Variants in FBXL5 observed in about 807,000 individuals in gnomAD.
FBXL5 encodes the protein F-box/LRR-repeat protein 5.
In FBXL5, 26 loss-of-function variants were observed where a neutral mutation model predicts 78.3. The observed-to-expected ratio is 0.33, with a 90% CI of 0.24 to 0.46. FBXL5 has a LOEUF of 0.46. FBXL5 is among the 20% of genes least tolerant of loss of function. FBXL5 has a pLI of 1.00. For missense variants in FBXL5, 710 were observed against 829.2 expected (o/e 0.86, Z 1.77); for synonymous variants, 295 against 282.5 (o/e 1.04, Z -0.45).
intron 2 of FBXL5, among the ~76,000 whole-genome samples, chr4:15,641,964 GT>G (rs1714930026): frequency 6.6e-6 from 1 of 151,850 alleles, no homozygotes; most frequent in African/African-American, 2.4e-5. Context: ...GAAGAAGGAG[GT>G]TGCGGTGAGC....
intron 9 of FBXL5, among the ~76,000 whole-genome samples, chr4:15,614,946 C>T (rs113675134): frequency 2.7e-4 from 41 of 152,236 alleles, no homozygotes; most frequent in South Asian, 1.9e-3. Context: ...GGGCTGCGTG[C>T]GGCGCTTGCG....
At chr4:15,607,912 C>T (rs1256438839) in intron 10 of FBXL5, among the ~76,000 whole-genome samples, 2 of 152,062 alleles carry the variant, frequency 1.3e-5, no homozygotes, top group African/African-American at 2.4e-5. Context: ...ACTGCAACTC[C>T]CTCAAATATT....
chr4:15,609,241 C>T (rs1371419779), intron 10 of FBXL5, among the ~76,000 whole-genome samples: 15 of 151,826 alleles, frequency 9.9e-5, no homozygotes, highest in Admixed American at 9.8e-4. Context: ...GCCTAAATTA[C>T]ATTAAGGAAT....
In FBXL5 at chr4:15,679,635, A is replaced by G. The variant is rs1193641874; in HGVS notation, c.-284+1748T>C. Among the ~76,000 whole-genome samples the G allele has an allele frequency of 4.0e-5, 6 of 151,896 alleles. No individual in the cohort carries two copies. The East Asian group carries it at 1.2e-3, about 29-fold the overall frequency. On this transcript the variant is annotated intron_variant, in intron 1 of 4. Transcript: ENST00000507899. ...CAATTCAATACTGCTTTTTAAAATT[A>G]AGCCTTCTTATCACACAACAAGTTA...
intron 1 of FBXL5, 67 bp from the exon 2 acceptor site, chr4:15,644,775 A>AAAT: frequency 8.8e-7 from 1 of 1,134,252 alleles, no homozygotes; most frequent in East Asian, 2.6e-5. Context: ...AAAAATATTC[A>AAAT]AATACATCCC....
At chr4:15,659,019 C>T (rs28392966), upstream of FBXL5, among the ~76,000 whole-genome samples, 9,732 of 152,232 alleles carry the variant, frequency 0.064, 539 homozygotes, top group East Asian at 0.22. Flanking sequence ...TCCACCCCAT[C>T]CTTAATCAGC....
intron 1 of FBXL5, among the ~76,000 whole-genome samples, chr4:15,668,088 G>A (rs1045057984): frequency 6.0e-5 from 9 of 149,240 alleles, no homozygotes; most frequent in Non-Finnish European, 1.0e-4. Context: ...CAACTTAATC[G>A]AAAAGCCAAT....
chr4:15,655,431 C>G (rs1294613595), upstream of FBXL5: 3 of 987,842 alleles, frequency 3.0e-6, no homozygotes, highest in African/African-American at 3.6e-5. Context: ...CCGGCGGGGA[C>G]GCGGGGGCGC....
rs1721774269 is a variant in FBXL5, at chr4:15,604,786, TTTTA to T, written c.*933_*936del. The T allele has an allele frequency of 6.6e-6, 1 of 152,228 alleles. No individual in the cohort carries two copies. The highest frequency in any genetic ancestry group is 2.4e-5 in the African/African-American group (1 of 41,464). 9.4% of individuals were successfully genotyped at this position (152,228 alleles called of 1,614,324 possible). On this transcript the variant is annotated 3_prime_UTR_variant, in exon 11 of 11. Transcript: ENST00000341285. The stretch of plus-strand genomic sequence containing the variant: ...GTGGCAGGCCTCCACTCTCATGATG[TTTTA>T]ACAAAGCAAAGTAGATATACTTACG...
Position 15,625,407 on chromosome 4 carries a change from T to C in FBXL5, c.1695A>G (p.Glu565=), listed in dbSNP as rs531603740. ...CTGCTTTTCTACACATTGCAGAAGA[T>C]TCTGGGAGTGATGACATAGTTCTTA... ...TALRTMSSLP[E]SSAMCRKAAR... is the part of the protein sequence containing the mutation. The change falls in exon 9 of 11, where the codon GAA becomes GAG. Residue 565 remains glutamate, a synonymous_variant. Transcript: ENST00000341285. 3.7e-6 allele frequency: 6 copies of C among 1,614,204 alleles called. No individual in the cohort carries two copies. In the East Asian group the frequency reaches 1.1e-4, roughly 30 times the overall value.
At chr4:15,606,130 T>A (rs1463585765) in intron 10 of FBXL5, among the ~76,000 whole-genome samples, 1 of 152,124 alleles carries the variant, frequency 6.6e-6, no homozygotes, top group Non-Finnish European at 1.5e-5. Context: ...AAGATTCTTA[T>A]AATCTGAACA....
At chr4:15,611,241 T>C (rs1443691949) in intron 10 of FBXL5, among the ~76,000 whole-genome samples, 1 of 152,102 alleles carries the variant, frequency 6.6e-6, no homozygotes, top group Non-Finnish European at 1.5e-5. Flanking sequence ...CCATCTCCAG[T>C]TTCCTCTTAT....
intron 9 of FBXL5, among the ~76,000 whole-genome samples, chr4:15,615,640 C>T (rs1022056577): frequency 1.3e-5 from 2 of 148,640 alleles, no homozygotes; most frequent in Non-Finnish European, 1.5e-5. Flanking sequence ...ATGCACCAAT[C>T]GACACTCTGT....
chr4:15,618,157 A>AT (rs777174128), intron 9 of FBXL5, among the ~76,000 whole-genome samples: 72 of 151,938 alleles, frequency 4.7e-4, no homozygotes, highest in Non-Finnish European at 4.4e-4. Flanking sequence ...CTTTAGCTAG[A>AT]TTAAGAAAAA....
chr4:15,656,240 T>G (rs1339433716), upstream of FBXL5: 1 of 456,220 alleles, frequency 2.2e-6, no homozygotes, highest in South Asian at 1.5e-5. Context: ...CAGGAAAATG[T>G]CTGCCTCTTT....
At chr4:15,666,717 A>G (rs1435838068) in intron 1 of FBXL5, among the ~76,000 whole-genome samples, 1 of 152,080 alleles carries the variant, frequency 6.6e-6, no homozygotes, top group African/African-American at 2.4e-5. Context: ...CTGTGATTCC[A>G]TCTACTCGGG....
intron 1 of FBXL5, among the ~76,000 whole-genome samples, chr4:15,669,647 A>T (rs988618804): frequency 6.6e-6 from 1 of 152,174 alleles, no homozygotes; most frequent in African/African-American, 2.4e-5. Flanking sequence ...ACCCACAGAA[A>T]ATGTAACAAA....
At chr4:15,675,496 A>C (rs1479781978) in intron 1 of FBXL5, among the ~76,000 whole-genome samples, 1 of 151,184 alleles carries the variant, frequency 6.6e-6, no homozygotes, top group African/African-American at 2.4e-5. Context: ...TAGCTACCAC[A>C]CAGGCAGTGC....
intron 6 of FBXL5, among the ~76,000 whole-genome samples, chr4:15,630,233 A>G (rs188719232): frequency 1.3e-5 from 2 of 152,314 alleles, no homozygotes; most frequent in East Asian, 3.9e-4. Flanking sequence ...TAATTCTACA[A>G]TAACCTTATT....
Sources: allele counts gnomAD v4.1 joint callset (sites outside exome capture counted in the v4.1 genomes callset), GRCh38; gene constraint gnomAD v4.1.1; transcripts MANE v1.5; gene names NCBI Gene and HGNC (gene_info 2026-07-23, HGNC 2026-07-21).